Variants in RIMS2 observed in about 807,000 individuals in gnomAD.
RIMS2 encodes the protein regulating synaptic membrane exocytosis 2.
RIMS2 carries 59 observed loss-of-function variants against 174.4 expected under a neutral mutation model. The observed-to-expected ratio is 0.34, with a 90% CI of 0.27 to 0.42. The LOEUF (loss-of-function observed/expected upper bound fraction) is 0.42. RIMS2 is among the 10% of genes least tolerant of loss of function. RIMS2 has a pLI of 1.00. For synonymous variants in RIMS2, 606 were observed against 572.5 expected (o/e 1.06, Z -0.84); for missense variants, 1,620 against 1,666.3 (o/e 0.97, Z 0.48).
intron 19 of RIMS2, among the ~76,000 whole-genome samples, chr8:104,205,188 A>G (rs2099074299): frequency 6.6e-6 from 1 of 152,134 alleles, no homozygotes; most frequent in Non-Finnish European, 1.5e-5. Context: ...CCCATTTCAG[A>G]GTGTTTTTAG....
intron 3 of RIMS2, among the ~76,000 whole-genome samples, chr8:103,777,822 A>T (rs574645633): frequency 8.5e-5 from 13 of 152,174 alleles, no homozygotes; most frequent in African/African-American, 3.1e-4. Flanking sequence ...CCATAAAAAA[A>T]ATCCACTCTT....
chr8:103,843,109 G>A (rs1159166827), intron 3 of RIMS2, among the ~76,000 whole-genome samples: 1 of 152,194 alleles, frequency 6.6e-6, no homozygotes, highest in Non-Finnish European at 1.5e-5. Context: ...ATTCTGAGAT[G>A]CTGGGAGTTA....
intron 19 of RIMS2, among the ~76,000 whole-genome samples, chr8:104,219,039 A>C (rs983753340): frequency 6.6e-6 from 1 of 152,056 alleles, no homozygotes; most frequent in African/African-American, 2.4e-5. Context: ...GTAATTTAAA[A>C]CTCTGGTGAT....
chr8:103,662,570 A>G (rs1007362945), intron 1 of RIMS2, among the ~76,000 whole-genome samples: 3 of 152,146 alleles, frequency 2.0e-5, no homozygotes, highest in African/African-American at 7.2e-5. Context: ...TTATTCTTCT[A>G]TTTATCACCA....
At chr8:103,582,200 G>C (rs953947639) in intron 1 of RIMS2, among the ~76,000 whole-genome samples, 1 of 152,002 alleles carries the variant, frequency 6.6e-6, no homozygotes, top group Non-Finnish European at 1.5e-5. Flanking sequence ...GGAACCCACT[G>C]CCTTGAAGGA....
At chr8:103,735,068 TC>T (rs2097668275) in intron 2 of RIMS2, among the ~76,000 whole-genome samples, 1 of 152,186 alleles carries the variant, frequency 6.6e-6, no homozygotes, top group Non-Finnish European at 1.5e-5. Context: ...CCACACTCAG[TC>T]TTTCCAACAT....
intron 3 of RIMS2, among the ~76,000 whole-genome samples, chr8:103,856,851 G>A (rs1036240952): frequency 6.6e-6 from 1 of 151,358 alleles, no homozygotes; most frequent in East Asian, 1.9e-4. Flanking sequence ...TTGTCGCCCA[G>A]GCTGGAGTGC....
intron 19 of RIMS2, among the ~76,000 whole-genome samples, chr8:104,141,051 A>C (rs1390827505): frequency 1.3e-5 from 2 of 152,316 alleles, no homozygotes; most frequent in African/African-American, 2.4e-5. Flanking sequence ...TTTTAAATGT[A>C]GTTTTTGTGC....
At chr8:104,129,277 A>G (rs900274861) in intron 19 of RIMS2, among the ~76,000 whole-genome samples, 4 of 152,264 alleles carry the variant, frequency 2.6e-5, no homozygotes, top group African/African-American at 9.6e-5. Context: ...GTCTAGCTAC[A>G]TAGAGGCTGA....
At chr8:104,136,052 C>T (rs1423034203) in intron 19 of RIMS2, among the ~76,000 whole-genome samples, 14 of 152,138 alleles carry the variant, frequency 9.2e-5, no homozygotes, top group Admixed American at 3.3e-4. Context: ...ATGTCTCGAA[C>T]GTGAGTTTTC....
chr8:104,135,613 CAAAAAAAAAAA>C (rs35163912), intron 19 of RIMS2, among the ~76,000 whole-genome samples: 5 of 79,688 alleles, frequency 6.3e-5, no homozygotes, highest in South Asian at 4.2e-4. Flanking sequence ...CTCCCAACCT[CAAAAAAAAAAA>C]AAAAAAAAAA....
At chr8:104,223,806 T>A (rs1207243270) in intron 19 of RIMS2, 6 of 1,591,440 alleles carry the variant, frequency 3.8e-6, no homozygotes, top group Non-Finnish European at 5.1e-6. Context: ...GAGACACCCC[T>A]TCCCCCGTAG....
chr8:103,588,236 GA>G (rs1357576196), intron 1 of RIMS2, among the ~76,000 whole-genome samples: 1 of 151,536 alleles, frequency 6.6e-6, no homozygotes, highest in East Asian at 1.9e-4. Context: ...AAACACTGAA[GA>G]AAAAAATTAA....
At chr8:103,938,983 C>T (rs1344209914) in intron 13 of RIMS2, among the ~76,000 whole-genome samples, 1 of 152,156 alleles carries the variant, frequency 6.6e-6, no homozygotes, top group Non-Finnish European at 1.5e-5. Flanking sequence ...AGAGTATAAC[C>T]CCCCTCCTGG....
At chr8:103,923,543 A>G (rs1452623327) in intron 10 of RIMS2, among the ~76,000 whole-genome samples, 1 of 151,902 alleles carries the variant, frequency 6.6e-6, no homozygotes, top group African/African-American at 2.4e-5. Context: ...GGAAATATAA[A>G]TGTAGAAGTT....
chr8:103,958,713 A>G (rs2088588491), intron 14 of RIMS2, among the ~76,000 whole-genome samples: 1 of 152,242 alleles, frequency 6.6e-6, no homozygotes, highest in South Asian at 2.1e-4. Context: ...AAGCCAAAGC[A>G]TTTAGTGCTG....
rs59840606 is a variant in RIMS2, at chr8:103,587,469, A to AAAGAAAGAACG, written c.176+86409_176+86410insGAAAGAACGAA. ...GAAAGAAAGAAAGAAAGAAAGAAAGAAACTATGCACCAATATTTCTGATGA... is the reference window on the plus strand; with the variant it reads ...GAAAGAAAGAAAGAAAGAAAGAAAGAAAGAAAGAACGAACTATGCACCAATATTTCTGATGA... On this transcript the variant is annotated intron_variant, in intron 1 of 23. Transcript: ENST00000504942. Among the ~76,000 whole-genome samples, 7 of 59,950 alleles carry AAAGAAAGAACG rather than the reference A, an allele frequency of 1.2e-4. 1 individual carries two copies. Among genetic ancestry groups the AAAGAAAGAACG allele is most frequent in the African/African-American group, 2.7e-4 (4 of 14,626 alleles). The allele number at this position is 59,950 out of a possible 152,430, so 39.3% of individuals were successfully genotyped here.
At chr8:103,604,355 T>A (rs951699691) in intron 1 of RIMS2, among the ~76,000 whole-genome samples, 137 of 152,162 alleles carry the variant, frequency 9.0e-4, no homozygotes, top group African/African-American at 3.2e-3. Context: ...TCCATTGATC[T>A]ATATCTCTGT....
At chr8:103,578,675 T>C (rs1214880430) in intron 1 of RIMS2, among the ~76,000 whole-genome samples, 1 of 151,986 alleles carries the variant, frequency 6.6e-6, no homozygotes, top group Non-Finnish European at 1.5e-5. Context: ...ATTTTCAAAG[T>C]GCTGAAGGAA....
Sources: allele counts gnomAD v4.1 joint callset (sites outside exome capture counted in the v4.1 genomes callset), GRCh38; gene constraint gnomAD v4.1.1; transcripts MANE v1.5; gene names NCBI Gene and HGNC (gene_info 2026-07-23, HGNC 2026-07-21).